The following COG5 variants were observed in gnomAD, a reference collection of about 807,000 sequenced individuals.
COG5 encodes component of oligomeric golgi complex 5.
In COG5, 86 loss-of-function variants were observed where a neutral mutation model predicts 110.4. The observed-to-expected ratio is 0.78, with a 90% CI of 0.65 to 0.93. The LOEUF is 0.93. COG5 is among the 40% of genes least tolerant of loss of function. The pLI is 0.00. For synonymous variants in COG5, 360 were observed against 334.6 expected, an observed-to-expected ratio of 1.08 and a Z score of -0.83; for missense variants, 1,077 against 987.0, an observed-to-expected ratio of 1.09 and a Z score of -1.22.
In COG5 at chr7:107,348,235, T is replaced by A. The variant is rs192265266; in HGVS notation, c.1026+13798A>T. On this transcript the variant is annotated intron_variant, in intron 10 of 21. Coordinates refer to ENST00000297135, the MANE Select transcript of COG5 (RefSeq NM_006348.5). ...TGCACTTCTGTGGTAATATTGAAAA[T>A]TTTTCAATATATATTCCTGAGCATA... Among the ~76,000 whole-genome samples the A allele has an allele frequency of 3.6e-3, 553 of 151,632 alleles. 3 individuals are homozygous for A. Among genetic ancestry groups the A allele is most frequent in the Middle Eastern group, 6.8e-3 (2 of 294 alleles).
intron 11 of COG5, among the ~76,000 whole-genome samples, chr7:107,301,654 AG>A (rs1490485638): frequency 6.6e-6 from 1 of 152,148 alleles, no homozygotes; most frequent in Non-Finnish European, 1.5e-5. Flanking sequence ...GGATCACCTG[AG>A]GTCGGGAGTT....
intron 6 of COG5, among the ~76,000 whole-genome samples, chr7:107,413,056 A>T (rs1414957147): frequency 1.3e-5 from 2 of 151,878 alleles, no homozygotes; most frequent in African/African-American, 4.8e-5. Context: ...CTCAGGCTGG[A>T]GTGTAGTGGC....
rs572955757 is a variant in COG5, at chr7:107,523,295, A to C, written c.538+3942T>G. Among the ~76,000 whole-genome samples the C allele has an allele frequency of 6.6e-5, 10 of 151,978 alleles. 1 individual carries two copies. In the South Asian group the frequency reaches 2.1e-3, roughly 32 times the overall value. On this transcript the variant is annotated intron_variant, in intron 6 of 21. Transcript: ENST00000297135. Reference sequence around the variant, plus strand: ...TTATAAGTGGTATTTTTGAATTTCAATTTCCAATTGCTTGTTGCTAAGAGT... The same window carrying C: ...TTATAAGTGGTATTTTTGAATTTCACTTTCCAATTGCTTGTTGCTAAGAGT...
At chr7:107,514,690 G>A (rs552536537) in intron 6 of COG5, among the ~76,000 whole-genome samples, 27 of 152,246 alleles carry the variant, frequency 1.8e-4, no homozygotes, top group Non-Finnish European at 3.1e-4. Flanking sequence ...TTCTACAAAG[G>A]GTAGGGGGTT....
intron 5 of COG5, among the ~76,000 whole-genome samples, chr7:107,528,124 C>A (rs1800906309): frequency 6.6e-6 from 1 of 151,358 alleles, no homozygotes; most frequent in South Asian, 2.1e-4. Flanking sequence ...CAGGGTCTCG[C>A]TCAGTTGCCC....
chr7:107,208,769 G>C (rs1449748545), intron 21 of COG5: 2 of 985,332 alleles, frequency 2.0e-6, no homozygotes, highest in Non-Finnish European at 2.4e-6. Flanking sequence ...TACGCCCAGA[G>C]GGCCAGTGGC....
intron 10 of COG5, among the ~76,000 whole-genome samples, chr7:107,334,384 T>TA (rs1166215562): frequency 3.3e-5 from 5 of 151,706 alleles, no homozygotes; most frequent in Non-Finnish European, 5.9e-5. Context: ...TTGAAGATTA[T>TA]AAAAAAAACT....
At chr7:107,281,160 T>C (rs1329342525) in intron 14 of COG5, 140 bp downstream of exon 14, 5 of 670,818 alleles carry the variant, frequency 7.5e-6, no homozygotes, top group Non-Finnish European at 1.2e-5. Flanking sequence ...TTTAAATTCA[T>C]CAGGAAGTTA....
chr7:107,391,769 A>C (rs889904842), intron 7 of COG5, among the ~76,000 whole-genome samples: 3 of 152,146 alleles, frequency 2.0e-5, no homozygotes, highest in Non-Finnish European at 4.4e-5. Flanking sequence ...GAGAACCACT[A>C]TTTACATCAT....
intron 11 of COG5, among the ~76,000 whole-genome samples, chr7:107,315,589 G>A (rs1371631346): frequency 5.3e-5 from 8 of 150,900 alleles, no homozygotes; most frequent in Non-Finnish European, 1.2e-4. Context: ...AACTAAGCAT[G>A]AACATGTATA....
rs767839543 is a variant in COG5 at position 107,554,332 on chromosome 7, C to A, written c.245G>T (p.Arg82Ile). The change falls in exon 3 of 22, where the codon AGA (arginine) becomes ATA (isoleucine). Residue 82 changes from arginine (R) to isoleucine (I), a missense_variant. Physicochemically the swap from Arg to Ile is moderately conservative, Grantham distance 97. Transcript: ENST00000297135. ...TGCTTGTGCCAGTAAATCTTCATGTCTTGCAACAACCTGAAAATCAAAAAT... is the reference window on the plus strand; with the variant it reads ...TGCTTGTGCCAGTAAATCTTCATGTATTGCAACAACCTGAAAATCAAAAAT... ...DRELHLQVVA[R>I]HEDLLAQATG... The A allele has an allele frequency of 3.1e-6, 5 of 1,613,932 alleles. No homozygotes were observed. The highest frequency in any genetic ancestry group is 4.2e-6 in the Non-Finnish European group (5 of 1,179,844).
At chr7:107,502,851 T>G (rs1798721115) in intron 6 of COG5, among the ~76,000 whole-genome samples, 1 of 152,200 alleles carries the variant, frequency 6.6e-6, no homozygotes, top group South Asian at 2.1e-4. Context: ...TGCCCACTTT[T>G]TGGTGGGATT....
chr7:107,440,585 G>T (rs1162805694), intron 6 of COG5, among the ~76,000 whole-genome samples: 2 of 152,158 alleles, frequency 1.3e-5, no homozygotes, highest in African/African-American at 2.4e-5. Context: ...TCACCAGAAA[G>T]ATCAATGCAT....
Position 107,421,606 on chromosome 7 carries a change from C to T in COG5, c.539-8974G>A, listed in dbSNP as rs538467984. Among the ~76,000 whole-genome samples the T allele has an allele frequency of 5.3e-5, 8 of 152,178 alleles. No individual in the cohort carries two copies. The East Asian group carries it at 1.5e-3, about 29-fold the overall frequency. Reference sequence around the variant, plus strand: ...AGGAGTTCAAGACCAGACTGGCCAACATGGTGAAACCCCATCTCTATAAAA... The same window carrying T: ...AGGAGTTCAAGACCAGACTGGCCAATATGGTGAAACCCCATCTCTATAAAA... On this transcript the variant is annotated intron_variant, in intron 6 of 21. Transcript: ENST00000297135.
intron 10 of COG5, among the ~76,000 whole-genome samples, chr7:107,328,337 T>C (rs1809945665): frequency 1.3e-5 from 2 of 152,228 alleles, no homozygotes; most frequent in African/African-American, 4.8e-5. Flanking sequence ...AAATATACAG[T>C]ACTACAGTCT....
intron 6 of COG5, among the ~76,000 whole-genome samples, chr7:107,424,203 A>G (rs1483183844): frequency 2.6e-5 from 4 of 151,900 alleles, no homozygotes; most frequent in Admixed American, 2.0e-4. Context: ...AACCCAGGAG[A>G]CAGAGGTTGC....
intron 7 of COG5, among the ~76,000 whole-genome samples, chr7:107,380,690 C>A (rs1815040890): frequency 2.6e-5 from 4 of 151,788 alleles, no homozygotes; most frequent in Admixed American, 1.3e-4. Flanking sequence ...CAACCAAAGC[C>A]CAGGACCAGA....
intron 13 of COG5, among the ~76,000 whole-genome samples, chr7:107,282,615 G>C (rs187555232): frequency 3.3e-5 from 5 of 152,002 alleles, no homozygotes; most frequent in Non-Finnish European, 7.4e-5. Context: ...TTCGCCTCCC[G>C]GATTCAAGCG....
intron 7 of COG5, among the ~76,000 whole-genome samples, chr7:107,401,518 C>T (rs1791423993): frequency 6.6e-6 from 1 of 152,076 alleles, no homozygotes; most frequent in African/African-American, 2.4e-5. Flanking sequence ...AACAAACAGA[C>T]AAATATATGG....
Sources: gnomAD v4.1 joint callset for allele counts (sites outside exome capture counted in the v4.1 genomes callset) on GRCh38, gnomAD v4.1.1 for gene constraint, MANE v1.5 for transcripts, NCBI Gene and HGNC (gene_info 2026-07-23, HGNC 2026-07-21) for gene names.